ZPBP: variants seen among roughly 807,000 people sequenced by gnomAD.
The protein encoded by ZPBP is zona pellucida binding protein.
A neutral mutation model predicts 44.8 loss-of-function variants in ZPBP; 26 were observed. The ratio of observed to expected loss-of-function variants is 0.58; its 90% CI spans 0.43 to 0.81. The LOEUF (loss-of-function observed/expected upper bound fraction) is 0.81, where lower values mean the gene tolerates loss of function less well. ZPBP is among the 30% of genes least tolerant of loss of function. ZPBP has a pLI of 0.00. For synonymous variants in ZPBP, 174 were observed against 153.2 expected (o/e 1.14, Z -1.00); for missense variants, 409 against 434.0 (o/e 0.94, Z 0.51).
chr7:49,855,428 T>A (rs1321267294), intron 2 of ZPBP, among the ~76,000 whole-genome samples: 1 of 152,094 alleles, frequency 6.6e-6, no homozygotes, highest in Non-Finnish European at 1.5e-5. Flanking sequence ...GAGTTTAACA[T>A]CCAGAGAGCA....
At chr7:49,943,274 G>A (rs1394210029) in intron 7 of ZPBP, 2 of 281,872 alleles carry the variant, frequency 7.1e-6, no homozygotes, top group Non-Finnish European at 7.0e-6. Flanking sequence ...AGTCTTCAGG[G>A]GTCTTAATTT....
At chr7:50,010,741 G>A (rs766563953) in intron 6 of ZPBP, among the ~76,000 whole-genome samples, 2 of 152,020 alleles carry the variant, frequency 1.3e-5, no homozygotes, top group Non-Finnish European at 2.9e-5. Context: ...GCTCATGGAT[G>A]AGTAGAATCA....
chr7:50,057,405 C>A (rs1185140899), intron 4 of ZPBP, among the ~76,000 whole-genome samples: 1 of 152,176 alleles, frequency 6.6e-6, no homozygotes, highest in East Asian at 1.9e-4. Context: ...TCCTCAAAAA[C>A]TCTTAGTCTG....
At chr7:49,881,533 A>G (rs991283596) in intron 2 of ZPBP, among the ~76,000 whole-genome samples, 2 of 152,156 alleles carry the variant, frequency 1.3e-5, no homozygotes, top group African/African-American at 4.8e-5. Context: ...TTGGGTTGAA[A>G]CTAATCAGGA....
chr7:49,946,183 G>C (rs1795097135), intron 7 of ZPBP, among the ~76,000 whole-genome samples: 1 of 152,020 alleles, frequency 6.6e-6, no homozygotes, highest in Non-Finnish European at 1.5e-5. Flanking sequence ...GTGAAAAGTT[G>C]TTGTAGTTAT....
At chr7:50,070,856 A>C (rs1163593045) in intron 3 of ZPBP, among the ~76,000 whole-genome samples, 1 of 152,172 alleles carries the variant, frequency 6.6e-6, no homozygotes, top group African/African-American at 2.4e-5. Context: ...TTACGACTTG[A>C]GTTTATCTGT....
chr7:50,061,544 T>C (rs1426826752), intron 3 of ZPBP, among the ~76,000 whole-genome samples: 1 of 152,010 alleles, frequency 6.6e-6, no homozygotes, highest in East Asian at 1.9e-4. Flanking sequence ...CTACTAAAAA[T>C]ACAAAAATTA....
At chr7:49,953,628 A>G (rs1347062517) in intron 7 of ZPBP, among the ~76,000 whole-genome samples, 1 of 152,142 alleles carries the variant, frequency 6.6e-6, no homozygotes, top group East Asian at 1.9e-4. Flanking sequence ...ATTTTTAGGA[A>G]CATCAAAATA....
chr7:49,912,068 T>C (rs1344080002), intron 1 of ZPBP: 4 of 1,613,936 alleles, frequency 2.5e-6, no homozygotes, highest in Non-Finnish European at 2.5e-6. Context: ...CGGTGATCCC[T>C]GCTGGCAGAG....
intron 5 of ZPBP, among the ~76,000 whole-genome samples, chr7:50,027,777 A>G (rs1172918051): frequency 2.0e-5 from 3 of 152,002 alleles, no homozygotes; most frequent in Admixed American, 6.6e-5. Context: ...ACAAGAGAAC[A>G]ATATAAACCA....
chr7:50,017,084 G>A (rs1235755652), intron 6 of ZPBP, among the ~76,000 whole-genome samples: 4 of 152,058 alleles, frequency 2.6e-5, no homozygotes, highest in Non-Finnish European at 5.9e-5. Flanking sequence ...TACATTTATT[G>A]TGCACTTTAT....
intron 2 of ZPBP, among the ~76,000 whole-genome samples, chr7:50,086,820 T>A (rs1216778395): frequency 6.6e-6 from 1 of 151,890 alleles, no homozygotes; most frequent in African/African-American, 2.4e-5. Context: ...AAAACATGAA[T>A]CCACGTATCC....
chr7:50,014,417 A>G (rs917498159), intron 6 of ZPBP, among the ~76,000 whole-genome samples: 3 of 151,692 alleles, frequency 2.0e-5, no homozygotes, highest in South Asian at 4.2e-4. Flanking sequence ...AAAATGGTAC[A>G]CTTAAGAAAT....
chr7:49,964,485 C>T (rs1795983509), intron 7 of ZPBP, among the ~76,000 whole-genome samples: 1 of 151,732 alleles, frequency 6.6e-6, no homozygotes, highest in African/African-American at 2.4e-5. Context: ...ATATCAGCAG[C>T]CAACAATTGA....
At chr7:49,940,069 G>C (rs1794804844) in intron 7 of ZPBP, among the ~76,000 whole-genome samples, 1 of 152,174 alleles carries the variant, frequency 6.6e-6, no homozygotes, top group South Asian at 2.1e-4. Flanking sequence ...GAACAAGTTT[G>C]AATCCCTCCT....
chr7:49,885,606 A>AG (rs1791869676), intron 2 of ZPBP, among the ~76,000 whole-genome samples: 1 of 152,238 alleles, frequency 6.6e-6, no homozygotes, highest in Non-Finnish European at 1.5e-5. Context: ...GTGAAGCACA[A>AG]GATATGTTTT....
At chr7:49,889,152 G>A (rs1792026189) in intron 2 of ZPBP, among the ~76,000 whole-genome samples, 1 of 152,134 alleles carries the variant, frequency 6.6e-6, no homozygotes, top group Admixed American at 6.5e-5. Flanking sequence ...CCTCATTTCT[G>A]AGTCACATCA....
chr7:50,066,713 C>T (rs1047190985), intron 3 of ZPBP, among the ~76,000 whole-genome samples: 1 of 152,168 alleles, frequency 6.6e-6, no homozygotes. Context: ...AGATGGTCCT[C>T]TTAGCTTCAG....
At chr7:50,042,872 G>T (rs1054650226) in intron 4 of ZPBP, among the ~76,000 whole-genome samples, 1 of 152,076 alleles carries the variant, frequency 6.6e-6, no homozygotes, top group Non-Finnish European at 1.5e-5. Context: ...ACACAGAATG[G>T]CAAATTGGAG....
Sources: allele counts gnomAD v4.1 joint callset (sites outside exome capture counted in the v4.1 genomes callset), GRCh38; gene constraint gnomAD v4.1.1; transcripts MANE v1.5; gene names NCBI Gene and HGNC (gene_info 2026-07-23, HGNC 2026-07-21).